Variants in FBLN2 observed in about 807,000 individuals in gnomAD.
The protein encoded by FBLN2 is fibulin-2.
In FBLN2, 81 loss-of-function variants were observed where a neutral mutation model predicts 123.7. That is an observed-to-expected ratio of 0.65 (90% CI 0.55 to 0.79). FBLN2 has a LOEUF of 0.79. Ranked by LOEUF, FBLN2 falls within the 30% of genes least tolerant of loss-of-function variation. The probability of loss-of-function intolerance (pLI) is 0.00; values close to 1 mark genes in which losing one functional copy is unlikely to be tolerated. For synonymous variants in FBLN2, 699 were observed against 701.4 expected (o/e 1.00, Z 0.05); for missense variants, 1,603 against 1,681.3 (o/e 0.95, Z 0.81).
intron 1 of FBLN2, among the ~76,000 whole-genome samples, chr3:13,553,174 A>C (rs368247720): frequency 3.3e-4 from 50 of 152,284 alleles, no homozygotes; most frequent in African/African-American, 1.2e-3. Flanking sequence ...TGGCAAGGCC[A>C]ACTAGACCCT....
chr3:13,638,210 A>G lies in FBLN2; in HGVS notation c.*291A>G, dbSNP rs1380038066. The stretch of plus-strand genomic sequence containing the variant: ...ACCTGAGGACCAGAGACACGCGACC[A>G]TGTTGGGGCTCTTGGACTCCTCTGG... On this transcript the variant is annotated 3_prime_UTR_variant, in exon 18 of 18. Coordinates refer to ENST00000404922, the MANE Select transcript of FBLN2 (RefSeq NM_001004019.2). 1.7e-6 allele frequency: 1 copy of G among 604,814 alleles called. No homozygotes were observed. The highest frequency in any genetic ancestry group is 3.0e-6 in the Non-Finnish European group (1 of 332,262). The allele number at this position is 604,814 out of a possible 1,614,324, so 37.5% of individuals were successfully genotyped here.
intron 9 of FBLN2, among the ~76,000 whole-genome samples, chr3:13,623,001 G>A (rs1016080332): frequency 7.2e-5 from 11 of 152,374 alleles, no homozygotes; most frequent in Non-Finnish European, 1.3e-4. Context: ...TGTGACCAGA[G>A]CCCCGTTTGT....
intron 1 of FBLN2, among the ~76,000 whole-genome samples, chr3:13,557,445 G>A (rs1000894979): frequency 2.6e-5 from 4 of 152,268 alleles, no homozygotes; most frequent in African/African-American, 7.2e-5. Context: ...AAAAAATACA[G>A]GGTGTAGCTT....
At position 13,636,471 on chromosome 3, in the gene FBLN2, C is replaced by T. The variant is rs1205947899; in HGVS notation, c.3241C>T (p.His1081Tyr). Residue 1081 changes from histidine (H) to tyrosine (Y), a missense_variant, in exon 17 of 18, where the codon CAC becomes TAC. By Grantham distance (83) the His-to-Tyr change is moderately conservative (BLOSUM62 2). Coordinates refer to ENST00000404922, the MANE Select transcript of FBLN2 (RefSeq NM_001004019.2). ...KDVDECALGT[H>Y]NCSEAETCHN... ...CGTGGATGAGTGTGCACTGGGTACC[C>T]ACAACTGTTCCGAGGCTGAGACCTG... 9.9e-6 allele frequency: 16 copies of T among 1,613,568 alleles called. No individual in the cohort carries two copies. Among genetic ancestry groups the T allele is most frequent in the Middle Eastern group, 1.6e-4 (1 of 6,084 alleles).
chr3:13,609,688 G>GGGGGGGGGGCC, intron 4 of FBLN2, 46 bp downstream of exon 4: 11 of 512,572 alleles, frequency 2.1e-5, no homozygotes, highest in East Asian at 6.7e-5. Flanking sequence ...GTGGGGCGGG[G>GGGGGGGGGGCC]CGGGAGGCTG....
chr3:13,631,887 T>C (rs950787659), intron 16 of FBLN2, among the ~76,000 whole-genome samples: 3 of 151,236 alleles, frequency 2.0e-5, no homozygotes, highest in African/African-American at 7.3e-5. Context: ...TCCTGGGGAG[T>C]AGAGAAGGGT....
chr3:13,613,940 G>T (rs777689812), intron 4 of FBLN2, 44 bp from the exon 5 acceptor site: 1 of 1,588,130 alleles, frequency 6.3e-7, no homozygotes, highest in Admixed American at 1.7e-5. Context: ...CTAGCTCCAG[G>T]CTGGGGCCAG....
intron 1 of FBLN2, among the ~76,000 whole-genome samples, chr3:13,555,876 A>G (rs1703451461): frequency 6.6e-6 from 1 of 152,236 alleles, no homozygotes; most frequent in Non-Finnish European, 1.5e-5. Flanking sequence ...ACATTTCCTC[A>G]CAAGATCACC....
chr3:13,549,629 A>G (rs941389801), intron 1 of FBLN2, among the ~76,000 whole-genome samples: 2 of 140,992 alleles, frequency 1.4e-5, no homozygotes, highest in Admixed American at 7.2e-5. Context: ...GGCCGGGTCA[A>G]CCCCCTCGGG....
chr3:13,579,062 AAG>A (rs1045776408), intron 2 of FBLN2, among the ~76,000 whole-genome samples: 4 of 152,150 alleles, frequency 2.6e-5, no homozygotes, highest in African/African-American at 9.7e-5. Flanking sequence ...TCTCAAAAAA[AAG>A]AGAACTATCA....
At chr3:13,574,315 GC>G (rs972490663) in intron 2 of FBLN2, among the ~76,000 whole-genome samples, 2 of 152,218 alleles carry the variant, frequency 1.3e-5, no homozygotes, top group Admixed American at 6.5e-5. Flanking sequence ...GTCAGGGGCT[GC>G]CCCCAGCTGC....
intron 1 of FBLN2, among the ~76,000 whole-genome samples, chr3:13,563,047 C>T (rs1230968988): frequency 6.6e-6 from 1 of 152,168 alleles, no homozygotes; most frequent in Non-Finnish European, 1.5e-5. Flanking sequence ...TGGCTTGATC[C>T]GTGTGACTCG....
chr3:13,611,539 T>C (rs542148696), intron 4 of FBLN2, among the ~76,000 whole-genome samples: 1 of 152,376 alleles, frequency 6.6e-6, no homozygotes, highest in African/African-American at 2.4e-5. Flanking sequence ...TGATCTTTTG[T>C]GTCTGGCTTA....
At chr3:13,567,070 T>C (rs1703768902) in intron 1 of FBLN2, among the ~76,000 whole-genome samples, 1 of 152,022 alleles carries the variant, frequency 6.6e-6, no homozygotes, top group South Asian at 2.1e-4. Flanking sequence ...TGGGCAAGCC[T>C]GAGGTTTGGG....
chr3:13,571,394 A>C lies in FBLN2; in HGVS notation c.1039A>C (p.Thr347Pro). Residue 347 changes from threonine (T) to proline (P), a missense_variant, in exon 2 of 18, where the codon ACG becomes CCG. By Grantham distance (38) the Thr-to-Pro change is conservative. Transcript: ENST00000404922. ...GAACCTCATCCTGGATGCCCAAGCC[A>C]CGTCCCGCAGCACTGGGCCGGAGGG... ...EENLILDAQA[T>P]SRSTGPEGVT... The C allele has an allele frequency of 3.1e-6, 5 of 1,613,106 alleles. No individual in the cohort carries two copies. The highest frequency in any genetic ancestry group is 4.2e-6 in the Non-Finnish European group (5 of 1,179,652).
chr3:13,566,015 T>G (rs1446894586), intron 1 of FBLN2, among the ~76,000 whole-genome samples: 1 of 152,236 alleles, frequency 6.6e-6, no homozygotes, highest in Non-Finnish European at 1.5e-5. Flanking sequence ...ACTTTGTATC[T>G]TGTTGTTTCT....
At chr3:13,619,298 C>G (rs1574989715) in intron 7 of FBLN2, among the ~76,000 whole-genome samples, 1 of 152,150 alleles carries the variant, frequency 6.6e-6, no homozygotes, top group East Asian at 1.9e-4. Flanking sequence ...TTGAGGTAGT[C>G]AAATCCTGGT....
rs770357619 is a variant in FBLN2 at position 13,570,582 on chromosome 3, G to A, written c.227G>A (p.Gly76Asp). The change falls in exon 2 of 18, where the codon GGT becomes GAT. Residue 76 changes from glycine to aspartate, a missense_variant. Gly to Asp is a moderately conservative substitution (Grantham distance 94). Transcript: ENST00000404922. ...TACCAGTACTATGACTGCCTACAGGGTGGCTTCGTGCGCGGCCGCGTGCCC... is the reference window on the plus strand; with the variant it reads ...TACCAGTACTATGACTGCCTACAGGATGGCTTCGTGCGCGGCCGCGTGCCC... Reference protein sequence around the residue: ...EGYQYYDCLQGGFVRGRVPAG... With the variant: ...EGYQYYDCLQDGFVRGRVPAG... 2 of 1,584,064 alleles carry A rather than the reference G, an allele frequency of 1.3e-6. No homozygotes were observed. Among genetic ancestry groups the A allele is most frequent in the Non-Finnish European group, 1.7e-6 (2 of 1,166,326 alleles).
chr3:13,569,807 G>A (rs747308726), intron 1 of FBLN2, among the ~76,000 whole-genome samples: 11 of 150,022 alleles, frequency 7.3e-5, no homozygotes, highest in Non-Finnish European at 1.2e-4. Flanking sequence ...GATCTGGGGG[G>A]AGGGATTGGT....
Sources: allele counts gnomAD v4.1 joint callset (sites outside exome capture counted in the v4.1 genomes callset), GRCh38; gene constraint gnomAD v4.1.1; transcripts MANE v1.5; gene names NCBI Gene and HGNC (gene_info 2026-07-23, HGNC 2026-07-21).